PODN: variants seen among roughly 807,000 people sequenced by gnomAD.
PODN encodes the protein podocan.
In PODN, 40 loss-of-function variants were observed where a neutral mutation model predicts 52.7. The ratio of observed to expected loss-of-function variants is 0.76; its 90% confidence interval spans 0.59 to 0.99. The LOEUF is 0.99. PODN is among the 50% of genes least tolerant of loss of function. The pLI, the probability that PODN is intolerant of heterozygous loss-of-function variation, is 0.00. For synonymous variants in PODN, 396 were observed against 377.9 expected, an observed-to-expected ratio of 1.05 and a Z score of -0.56; for missense variants, 720 against 815.1, an observed-to-expected ratio of 0.88 and a Z score of 1.42.
At chr1:53,065,363 A>AG (rs972856423) in intron 1 of PODN, among the ~76,000 whole-genome samples, 8 of 152,158 alleles carry the variant, frequency 5.3e-5, no homozygotes, top group African/African-American at 1.9e-4. Flanking sequence ...CTCAAAAAAA[A>AG]AAAAGAAAGT....
chr1:53,082,440 G>C (rs1427337733), intron 10 of PODN, among the ~76,000 whole-genome samples: 1 of 152,202 alleles, frequency 6.6e-6, no homozygotes, highest in Admixed American at 6.5e-5. Context: ...GGGGGGCACT[G>C]GACATGTGGG....
At chr1:53,083,805 T>C (rs573184711) in intron 10 of PODN, among the ~76,000 whole-genome samples, 49 of 151,224 alleles carry the variant, frequency 3.2e-4, no homozygotes, top group Non-Finnish European at 3.1e-4. Context: ...GAGAAAGACA[T>C]TGGAGAGGAG....
At chr1:53,075,640 G>A (rs963099516) in intron 4 of PODN, among the ~76,000 whole-genome samples, 9 of 152,244 alleles carry the variant, frequency 5.9e-5, no homozygotes, top group Non-Finnish European at 1.5e-5. Flanking sequence ...CAGGGCAGGG[G>A]ACAAGTCCTG....
chr1:53,065,660 C>T (rs116594693), intron 1 of PODN, among the ~76,000 whole-genome samples: 2,843 of 152,296 alleles, frequency 0.019, 99 homozygotes, highest in African/African-American at 0.065. Context: ...TTCAGTGGTC[C>T]TCGTCTTCCA....
chr1:53,066,462 A>G (rs763665352), intron 1 of PODN, among the ~76,000 whole-genome samples: 6 of 152,182 alleles, frequency 3.9e-5, no homozygotes, highest in South Asian at 2.1e-4. Context: ...AGATCTATGG[A>G]CACTACATTT....
chr1:53,063,489 G>A, intron 1 of PODN: 2 of 985,558 alleles, frequency 2.0e-6, no homozygotes. Flanking sequence ...CACTGGGAAG[G>A]CAGCGGCGAG....
Position 53,075,961 on chromosome 1 carries a change from C to A in PODN, c.571C>A (p.Pro191Thr). ...CTATGGGCTCACCTTTGGCCAGAAG[C>A]CAAACTTGAGGTCAGAGGTCGGGGG... ...KIYGLTFGQK[P>T]NLRSVYLHNN... The change falls in exon 5 of 11, where the codon CCA (proline) becomes ACA (threonine). Residue 191 changes from proline (P) to threonine (T), a missense_variant. Pro to Thr is a conservative substitution (Grantham distance 38, BLOSUM62 -1). Coordinates refer to ENST00000312553, the MANE Select transcript of PODN (RefSeq NM_153703.5). 6.3e-7 allele frequency: 1 copy of A among 1,590,500 alleles called. No homozygotes were observed. Among genetic ancestry groups the A allele is most frequent in the African/African-American group, 1.3e-5 (1 of 74,708 alleles).
At chr1:53,082,830 A>C (rs549058758) in intron 10 of PODN, among the ~76,000 whole-genome samples, 1 of 152,052 alleles carries the variant, frequency 6.6e-6, no homozygotes, top group African/African-American at 2.4e-5. Context: ...CCCATGACAC[A>C]TTTGCATGCC....
chr1:53,071,750 G>A, intron 3 of PODN, 122 bp downstream of exon 3: 1 of 943,940 alleles, frequency 1.1e-6, no homozygotes. Context: ...ATGGAAGAGA[G>A]CAGGCCCGGG....
chr1:53,082,924 G>A (rs569654082), intron 10 of PODN, among the ~76,000 whole-genome samples: 2 of 152,272 alleles, frequency 1.3e-5, no homozygotes, highest in African/African-American at 2.4e-5. Context: ...CCACGTATAC[G>A]GGCCCTTACA....
Position 53,085,464 on chromosome 1 carries a change from T to C in PODN, c.*979T>C, listed in dbSNP as rs563236553. On this transcript the variant is annotated 3_prime_UTR_variant, in exon 11 of 11. Transcript: ENST00000312553. ...ATCTCAAAGCTGATTTTTCTTGTTA[T>C]AGAAAAACTAATATAAAAGCATTAT... is the stretch of plus-strand genomic sequence containing the variant. 5 of 152,348 alleles carry C rather than the reference T, an allele frequency of 3.3e-5. No individual in the cohort carries two copies. The South Asian group carries it at 1.0e-3, about 32-fold the overall frequency. 9.4% of individuals were successfully genotyped at this position (152,348 alleles called of 1,614,324 possible).
rs2150299861 is a variant in PODN at position 53,074,652 on chromosome 1, G to T, written c.453G>T (p.Leu151=). 1 of 1,614,046 alleles carries T rather than the reference G, an allele frequency of 6.2e-7. No individual in the cohort carries two copies. The highest frequency in any genetic ancestry group is 8.5e-7 in the Non-Finnish European group (1 of 1,180,018). Residue 151 remains leucine, a synonymous_variant, in exon 4 of 11, where the codon CTG becomes CTT. Transcript: ENST00000312553. ...AFEHLTNLNY[L]YLANNKLTLA... ...AGCATCTGACCAACCTCAATTACCT[G>T]TACTTGGCCAATAACAAGGTGAGGG...
At chr1:53,079,720 A>G (rs1483152198) in intron 8 of PODN, among the ~76,000 whole-genome samples, 1 of 152,138 alleles carries the variant, frequency 6.6e-6, no homozygotes, top group Non-Finnish European at 1.5e-5. Flanking sequence ...AATCCACTCT[A>G]TACGCTGGCT....
intron 2 of PODN, 132 bp from the exon 3 acceptor site, chr1:53,071,403 T>TG: frequency 1.3e-6 from 1 of 753,670 alleles, no homozygotes; most frequent in Non-Finnish European, 2.2e-6. Context: ...TCTGCTGCCA[T>TG]GGGGGAGAAT....
intron 10 of PODN, 110 bp downstream of exon 10, chr1:53,082,298 T>C: frequency 1.3e-5 from 18 of 1,353,750 alleles, no homozygotes; most frequent in Non-Finnish European, 1.7e-5. Context: ...CTCTGCTTCA[T>C]CCACCCATTT....
intron 1 of PODN, among the ~76,000 whole-genome samples, chr1:53,069,361 G>C (rs1644076665): frequency 6.6e-6 from 1 of 152,226 alleles, no homozygotes; most frequent in African/African-American, 2.4e-5. Context: ...AGTTGGAAGA[G>C]AGTCAGGACC....
At chr1:53,062,882 C>G (rs1361920843) in intron 1 of PODN, among the ~76,000 whole-genome samples, 1 of 152,238 alleles carries the variant, frequency 6.6e-6, no homozygotes, top group South Asian at 2.1e-4. Flanking sequence ...CACTGTGCCG[C>G]CCCAGCTTAG....
chr1:53,064,896 A>G (rs1481827089), intron 1 of PODN, among the ~76,000 whole-genome samples: 1 of 152,172 alleles, frequency 6.6e-6, no homozygotes, highest in Non-Finnish European at 1.5e-5. Flanking sequence ...AGCTCTCCAT[A>G]TGAGAAACAC....
chr1:53,069,180 G>A lies in PODN; in HGVS notation c.-55-621G>A, dbSNP rs532015189. On this transcript the variant is annotated intron_variant, in intron 1 of 10. Transcript: ENST00000312553. Reference sequence around the variant, plus strand: ...GAGCCCTGGGGCATCTCAGTGTCCCGCTGCTCCCCCTCTTCCCATGTTCAT... The same window carrying A: ...GAGCCCTGGGGCATCTCAGTGTCCCACTGCTCCCCCTCTTCCCATGTTCAT... 8.5e-5 allele frequency among the ~76,000 whole-genome samples: 13 copies of A among 152,318 alleles called. No individual in the cohort carries two copies. In the East Asian group the frequency reaches 1.3e-3, roughly 16 times the overall value.
Sources: gnomAD v4.1 joint callset for allele counts (sites outside exome capture counted in the v4.1 genomes callset) on GRCh38, gnomAD v4.1.1 for gene constraint, MANE v1.5 for transcripts, NCBI Gene and HGNC (gene_info 2026-07-23, HGNC 2026-07-21) for gene names.